DLG2: variants seen among roughly 807,000 people sequenced by gnomAD.
The protein encoded by DLG2 is discs large MAGUK scaffold protein 2.
A neutral mutation model predicts 132.5 loss-of-function variants in DLG2; 45 were observed. The ratio of observed to expected loss-of-function variants is 0.34; its 90% confidence interval spans 0.27 to 0.44. The LOEUF (loss-of-function observed/expected upper bound fraction) is 0.44. Among genes scored for constraint, DLG2 ranks in the 20% least tolerant of loss-of-function variants. The probability of loss-of-function intolerance (pLI) is 1.00; values close to 1 mark genes in which losing one functional copy is unlikely to be tolerated. For synonymous variants in DLG2, 424 were observed against 419.6 expected (o/e 1.01, Z -0.13); for missense variants, 1,045 against 1,196.9 (o/e 0.87, Z 1.87).
At chr11:85,216,178 A>G (rs1451989057) in intron 4 of DLG2, among the ~76,000 whole-genome samples, 1 of 152,186 alleles carries the variant, frequency 6.6e-6, no homozygotes, top group Admixed American at 6.5e-5. Context: ...GTAAGGAAAG[A>G]AAGTTTTTTA....
At chr11:84,544,558 A>G (rs1171493197) in intron 6 of DLG2, among the ~76,000 whole-genome samples, 1 of 152,212 alleles carries the variant, frequency 6.6e-6, no homozygotes, top group Admixed American at 6.5e-5. Context: ...GCAGCCTCAC[A>G]TAGTGGAAAG....
intron 3 of DLG2, among the ~76,000 whole-genome samples, chr11:85,536,214 C>CA (rs527811605): frequency 0.062 from 3,504 of 56,136 alleles, 106 homozygotes; most frequent in Middle Eastern, 0.098. Context: ...GACCCTGTCT[C>CA]AAAAAAAAAA....
chr11:84,234,643 G>A (rs1179785290), intron 8 of DLG2, among the ~76,000 whole-genome samples: 1 of 152,176 alleles, frequency 6.6e-6, no homozygotes, highest in Non-Finnish European at 1.5e-5. Flanking sequence ...TGATGGGAAT[G>A]GGTGGTTGGA....
At chr11:83,772,059 A>G (rs1489284172) in intron 18 of DLG2, among the ~76,000 whole-genome samples, 2 of 152,076 alleles carry the variant, frequency 1.3e-5, no homozygotes, top group Non-Finnish European at 2.9e-5. Flanking sequence ...TTCTTTTGTA[A>G]CTTGTGATCC....
chr11:83,644,080 A>G (rs1388907072), intron 18 of DLG2, among the ~76,000 whole-genome samples: 1 of 152,156 alleles, frequency 6.6e-6, no homozygotes, highest in Non-Finnish European at 1.5e-5. Flanking sequence ...TACTGCTCAA[A>G]TGAAAGCTTC....
chr11:84,985,744 A>G (rs1251194123), intron 6 of DLG2, among the ~76,000 whole-genome samples: 1 of 152,148 alleles, frequency 6.6e-6, no homozygotes, highest in Non-Finnish European at 1.5e-5. Context: ...CTGTAATCCC[A>G]GCACTTGGGA....
At chr11:85,191,813 A>G (rs184575218) in intron 4 of DLG2, among the ~76,000 whole-genome samples, 54 of 152,312 alleles carry the variant, frequency 3.5e-4, no homozygotes, top group Non-Finnish European at 6.8e-4. Context: ...AATACTTCTT[A>G]TAAGTCTACT....
intron 4 of DLG2, among the ~76,000 whole-genome samples, chr11:85,183,874 AAGG>A (rs1051600916): frequency 6.6e-6 from 1 of 151,954 alleles, no homozygotes; most frequent in Admixed American, 6.6e-5. Context: ...AAAAATAAAA[AAGG>A]AGGAGGCAAT....
chr11:84,746,068 G>T (rs1456533235), intron 6 of DLG2, among the ~76,000 whole-genome samples: 1 of 152,002 alleles, frequency 6.6e-6, no homozygotes, highest in African/African-American at 2.4e-5. Context: ...ATGATATATT[G>T]TTTCTACTCT....
intron 11 of DLG2, among the ~76,000 whole-genome samples, chr11:84,024,503 C>G (rs919837625): frequency 7.2e-5 from 11 of 152,138 alleles, no homozygotes; most frequent in African/African-American, 2.4e-4. Context: ...ATAGAATCAA[C>G]CTAAGTGTCC....
rs554128563 is a variant in DLG2 at position 84,427,101 on chromosome 11, T to A, written c.519+107469A>T. The stretch of plus-strand genomic sequence containing the variant: ...TATAAAACCAGGGTGACAGAGAAAG[T>A]TCATTCGGAAGCCCAGGGGGATAGT... On this transcript the variant is annotated intron_variant, in intron 7 of 27. Transcript: ENST00000376104. 2.6e-5 allele frequency among the ~76,000 whole-genome samples: 4 copies of A among 152,192 alleles called. No homozygotes were observed. The East Asian group carries it at 7.7e-4, about 29-fold the overall frequency.
intron 7 of DLG2, among the ~76,000 whole-genome samples, chr11:84,416,713 C>T (rs1210462124): frequency 6.6e-6 from 1 of 152,164 alleles, no homozygotes. Context: ...ATTGTTCCAA[C>T]TCATGCACTT....
At chr11:84,989,863 A>G (rs1447746891) in intron 6 of DLG2, among the ~76,000 whole-genome samples, 1 of 152,224 alleles carries the variant, frequency 6.6e-6, no homozygotes, top group East Asian at 1.9e-4. Flanking sequence ...GTAAAAAACG[A>G]TCCAGTGAAG....
chr11:85,555,623 A>G (rs1007966647), intron 3 of DLG2, among the ~76,000 whole-genome samples: 2 of 151,842 alleles, frequency 1.3e-5, no homozygotes, highest in African/African-American at 4.8e-5. Context: ...AAGATAACCA[A>G]TTGTCTTCTT....
At chr11:83,641,294 C>T (rs1320219168) in intron 18 of DLG2, among the ~76,000 whole-genome samples, 2 of 152,112 alleles carry the variant, frequency 1.3e-5, no homozygotes, top group African/African-American at 4.8e-5. Context: ...CCACCGGACT[C>T]TTAACCAAAT....
intron 7 of DLG2, among the ~76,000 whole-genome samples, chr11:84,428,970 T>C (rs934686448): frequency 1.3e-5 from 2 of 152,198 alleles, no homozygotes; most frequent in Non-Finnish European, 2.9e-5. Context: ...TCAGTGTTAG[T>C]GGCATGGAGG....
chr11:84,766,434 T>C (rs552331602), intron 6 of DLG2, among the ~76,000 whole-genome samples: 1 of 152,188 alleles, frequency 6.6e-6, no homozygotes, highest in East Asian at 1.9e-4. Flanking sequence ...ATATTCAAAA[T>C]TGTTAGCAAC....
intron 6 of DLG2, among the ~76,000 whole-genome samples, chr11:85,091,691 A>G (rs1454888774): frequency 6.6e-6 from 1 of 152,216 alleles, no homozygotes; most frequent in African/African-American, 2.4e-5. Flanking sequence ...TGTCTCAAAA[A>G]AACACTTTCT....
chr11:84,823,480 T>G (rs1284758611), intron 6 of DLG2, among the ~76,000 whole-genome samples: 1 of 151,542 alleles, frequency 6.6e-6, no homozygotes, highest in Admixed American at 6.6e-5. Context: ...TCCTAGGTAA[T>G]ATGTGGCTTG....
Sources: allele counts gnomAD v4.1 joint callset (sites outside exome capture counted in the v4.1 genomes callset), GRCh38; gene constraint gnomAD v4.1.1; transcripts MANE v1.5; gene names NCBI Gene and HGNC (gene_info 2026-07-23, HGNC 2026-07-21).